The following WDR64 variants were observed in gnomAD, a reference collection of about 807,000 sequenced individuals.
The protein encoded by WDR64 is WD repeat-containing protein 64.
A neutral mutation model predicts 139.3 loss-of-function variants in WDR64; 112 were observed. The ratio of observed to expected loss-of-function variants is 0.80; its 90% CI spans 0.69 to 0.94. The LOEUF (loss-of-function observed/expected upper bound fraction) is 0.94, where lower values mean the gene tolerates loss of function less well. Ranked by LOEUF, WDR64 falls within the 40% of genes least tolerant of loss-of-function variation. The pLI is 0.00. For synonymous variants in WDR64, 444 were observed against 437.7 expected, an observed-to-expected ratio of 1.01 and a Z score of -0.18; for missense variants, 1,206 against 1,293.1, an observed-to-expected ratio of 0.93 and a Z score of 1.03.
At chr1:241,695,383 C>T (rs1159410948) in intron 8 of WDR64, among the ~76,000 whole-genome samples, 1 of 152,054 alleles carries the variant, frequency 6.6e-6, no homozygotes, top group African/African-American at 2.4e-5. Flanking sequence ...AGCCATGCTA[C>T]CATATTTATA....
At chr1:241,734,960 C>T (rs1387389660) in intron 10 of WDR64, among the ~76,000 whole-genome samples, 1 of 152,174 alleles carries the variant, frequency 6.6e-6, no homozygotes, top group African/African-American at 2.4e-5. Flanking sequence ...TGTCCTTAAG[C>T]AGCACATGTC....
intron 19 of WDR64, among the ~76,000 whole-genome samples, chr1:241,772,346 A>G (rs897157943): frequency 5.3e-4 from 77 of 145,644 alleles, no homozygotes; most frequent in African/African-American, 8.0e-4. Context: ...AAAAAAAAAG[A>G]AAAGGAAAAA....
At chr1:241,702,977 A>AC (rs1245056357) in intron 8 of WDR64, among the ~76,000 whole-genome samples, 2 of 152,008 alleles carry the variant, frequency 1.3e-5, no homozygotes, top group African/African-American at 4.8e-5. Context: ...TTTCTATTGC[A>AC]CCCTCCCTTG....
At chr1:241,691,271 T>C (rs569347575) in intron 8 of WDR64, among the ~76,000 whole-genome samples, 1 of 152,174 alleles carries the variant, frequency 6.6e-6, no homozygotes, top group South Asian at 2.1e-4. Flanking sequence ...AAAGCAGCAA[T>C]TAATAGAAAA....
At chr1:241,773,768 G>C (rs1221611069) in intron 20 of WDR64, among the ~76,000 whole-genome samples, 1 of 152,244 alleles carries the variant, frequency 6.6e-6, no homozygotes, top group East Asian at 1.9e-4. Flanking sequence ...GCCCGACCGA[G>C]GGCATTAGTT....
chr1:241,761,719 A>G (rs913349218), intron 15 of WDR64, among the ~76,000 whole-genome samples: 9 of 152,222 alleles, frequency 5.9e-5, no homozygotes, highest in African/African-American at 2.2e-4. Flanking sequence ...GCCTCTGCCC[A>G]ATCATCTAAG....
intron 1 of WDR64, 49 bp downstream of exon 1, chr1:241,652,678 C>T (rs1420612869): frequency 6.5e-7 from 1 of 1,538,434 alleles, no homozygotes; most frequent in East Asian, 2.5e-5. Context: ...TTGGTTAGAA[C>T]TGGAAAATGT....
At chr1:241,674,606 A>C in intron 3 of WDR64, 38 bp from the exon 4 acceptor site, 1 of 1,336,860 alleles carries the variant, frequency 7.5e-7, no homozygotes, top group Non-Finnish European at 1.0e-6. Context: ...CAGCACCTTT[A>C]CTGCTGAAAG....
chr1:241,746,272 AAGG>A (rs1669751380), intron 13 of WDR64, among the ~76,000 whole-genome samples: 1 of 152,096 alleles, frequency 6.6e-6, no homozygotes, highest in Admixed American at 6.6e-5. Flanking sequence ...GGTAGGGTTA[AAGG>A]AGGAGAGGAA....
chr1:241,681,663 G>C (rs751868442), intron 6 of WDR64, among the ~76,000 whole-genome samples: 3 of 152,108 alleles, frequency 2.0e-5, no homozygotes, highest in Non-Finnish European at 4.4e-5. Flanking sequence ...TGGATCAAAT[G>C]GTAGTTCTAC....
At chr1:241,699,883 A>T (rs1056706490) in intron 8 of WDR64, among the ~76,000 whole-genome samples, 1 of 152,128 alleles carries the variant, frequency 6.6e-6, no homozygotes, top group African/African-American at 2.4e-5. Flanking sequence ...TTTTAACCTG[A>T]AAGCTATCGG....
intron 8 of WDR64, among the ~76,000 whole-genome samples, chr1:241,705,285 T>C (rs1667889753): frequency 6.6e-6 from 1 of 152,038 alleles, no homozygotes; most frequent in South Asian, 2.1e-4. Context: ...CTCACGCCTG[T>C]AATCCCAGCA....
intron 15 of WDR64, among the ~76,000 whole-genome samples, chr1:241,763,748 T>A (rs1658025602): frequency 6.6e-6 from 1 of 152,166 alleles, no homozygotes; most frequent in Non-Finnish European, 1.5e-5. Context: ...AATTTGATTG[T>A]GCATGGAAAT....
chr1:241,777,144 G>C lies in WDR64; in HGVS notation c.2536+1934G>C, dbSNP rs112425680. Among the ~76,000 whole-genome samples, 1,255 of 152,270 alleles carry C rather than the reference G, an allele frequency of 8.2e-3. 20 individuals carry two copies. Among genetic ancestry groups the C allele is most frequent in the African/African-American group, 0.029 (1,207 of 41,562 alleles). On this transcript the variant is annotated intron_variant, in intron 21 of 27. Transcript: ENST00000437684. ...AGGTCTGACTCTGTGGCCCAGGCTG[G>C]AGTGCAGTGGTGTGCTCATAGCTCA... is the stretch of plus-strand genomic sequence containing the variant.
At chr1:241,760,310 G>C (rs1670375603) in intron 15 of WDR64, among the ~76,000 whole-genome samples, 1 of 151,528 alleles carries the variant, frequency 6.6e-6, no homozygotes, top group South Asian at 2.1e-4. Context: ...CCAATTAAAA[G>C]TAGTGCTGCA....
At chr1:241,776,808 C>G (rs1263393037) in intron 21 of WDR64, among the ~76,000 whole-genome samples, 1 of 152,212 alleles carries the variant, frequency 6.6e-6, no homozygotes, top group Non-Finnish European at 1.5e-5. Context: ...GCACCGACCT[C>G]TATTAGGGTT....
At chr1:241,687,398 T>C in intron 7 of WDR64, 63 bp from the exon 8 acceptor site, 6 of 1,584,098 alleles carry the variant, frequency 3.8e-6, no homozygotes, top group Non-Finnish European at 3.4e-6. Context: ...AATTGCTGAA[T>C]AGAAACATAT....
intron 8 of WDR64, among the ~76,000 whole-genome samples, chr1:241,690,954 G>A (rs1667245693): frequency 6.6e-6 from 1 of 152,090 alleles, no homozygotes; most frequent in African/African-American, 2.4e-5. Flanking sequence ...ATATATGTAT[G>A]TATATATGGT....
In WDR64 at chr1:241,656,224, T is replaced by C. The variant is rs1255350666; in HGVS notation, c.145+3595T>C. Among the ~76,000 whole-genome samples, 1 of 152,222 alleles carries C rather than the reference T, an allele frequency of 6.6e-6. No homozygotes were observed. The highest frequency in any genetic ancestry group is 1.5e-5 in the Non-Finnish European group (1 of 68,046). On this transcript the variant is annotated intron_variant, in intron 1 of 27. Coordinates refer to ENST00000437684, the MANE Select transcript of WDR64 (RefSeq NM_001367482.1). This position sits in a 1 kb window ranked among gnomAD's most constrained non-coding sequence, Gnocchi z 4.3. ...TAATAATGTCTGGCACAAATTCATA[T>C]TTATTAACCAATATTGGAAAATAAG...
Sources: gnomAD v4.1 joint callset for allele counts (sites outside exome capture counted in the v4.1 genomes callset) on GRCh38, gnomAD v4.1.1 for gene constraint, Gnocchi (gnomAD v3.1) non-coding constraint, MANE v1.5 for transcripts, NCBI Gene and HGNC (gene_info 2026-07-23, HGNC 2026-07-21) for gene names.